Variants in JADE1 observed in about 807,000 individuals in gnomAD.
The protein encoded by JADE1 is protein Jade-1.
In JADE1, 14 loss-of-function variants were observed where a neutral mutation model predicts 81.8. The ratio of observed to expected loss-of-function variants is 0.17; its 90% CI spans 0.11 to 0.27. The LOEUF (loss-of-function observed/expected upper bound fraction) is 0.27, where lower values mean the gene tolerates loss of function less well. Ranked by LOEUF, JADE1 falls within the 10% of genes least tolerant of loss-of-function variation. JADE1 has a pLI of 1.00. For missense variants in JADE1, 690 were observed against 1,047.9 expected (o/e 0.66, Z 4.71); for synonymous variants, 353 against 391.9 (o/e 0.90, Z 1.17).
intron 2 of JADE1, 48 bp from the exon 3 acceptor site, chr4:128,842,905 G>T: frequency 6.5e-7 from 1 of 1,537,322 alleles, no homozygotes; most frequent in South Asian, 1.1e-5. Context: ...AACACTCAGT[G>T]ACCCCTGCAA....
chr4:128,867,935 A>G lies in JADE1; in HGVS notation c.1583A>G (p.Asn528Ser), dbSNP rs923647948. 6.2e-7 allele frequency: 1 copy of G among 1,613,568 alleles called. No individual in the cohort carries two copies. Among genetic ancestry groups the G allele is most frequent in the Non-Finnish European group, 8.5e-7 (1 of 1,179,500 alleles). Residue 528 changes from asparagine to serine, a missense_variant, in exon 10 of 11, where the codon AAT becomes AGT. Around this residue, in one of 8 missense-constraint regions of JADE1, gnomAD observed 86 missense variants for 95.4 expected, o/e 0.90. Coordinates refer to ENST00000226319, the MANE Select transcript of JADE1 (RefSeq NM_199320.4). ...SVCKVQEQIFNLYTKLLEQER... is the reference protein window; with the variant it reads ...SVCKVQEQIFSLYTKLLEQER... Reference sequence around the variant, plus strand: ...TGCAAAGTCCAGGAACAGATATTCAATCTTTACACTAAGCTTTTGGAGCAA... The same window carrying G: ...TGCAAAGTCCAGGAACAGATATTCAGTCTTTACACTAAGCTTTTGGAGCAA...
At position 128,872,143 on chromosome 4, in the gene JADE1, G is replaced by A; in HGVS notation, c.2410G>A (p.Val804Ile). ...LKSDNENDGYVPDVEMSDSES... is the reference protein window; with the variant it reads ...LKSDNENDGYIPDVEMSDSES... Reference sequence around the variant, plus strand: ...ATCCGACAATGAGAATGACGGGTATGTCCCCGATGTGGAAATGAGTGACTC... The same window carrying A: ...ATCCGACAATGAGAATGACGGGTATATCCCCGATGTGGAAATGAGTGACTC... The change falls in exon 11 of 11, where the codon GTC becomes ATC. Residue 804 changes from valine to isoleucine, a missense_variant. By Grantham distance (29) the Val-to-Ile change is conservative (BLOSUM62 3). Around this residue, in one of 8 missense-constraint regions of JADE1, gnomAD observed 218 missense variants for 274.3 expected, o/e 0.79. Transcript: ENST00000226319. The A allele has an allele frequency of 2.5e-6, 4 of 1,614,182 alleles. No homozygotes were observed. The highest frequency in any genetic ancestry group is 2.5e-6 in the Non-Finnish European group (3 of 1,180,020).
At chr4:128,856,186 T>C (rs1277365176) in intron 7 of JADE1, among the ~76,000 whole-genome samples, 1 of 152,148 alleles carries the variant, frequency 6.6e-6, no homozygotes, top group African/African-American at 2.4e-5. Context: ...AGTGGGTGGG[T>C]GGAGAACCAT....
chr4:128,857,291 C>G, intron 7 of JADE1, 47 bp from the exon 8 acceptor site: 1 of 1,392,642 alleles, frequency 7.2e-7, no homozygotes, highest in Non-Finnish European at 1.0e-6. Flanking sequence ...TCATGTTCAG[C>G]CTTTGACGAC....
chr4:128,844,864 C>T (rs1729735368), intron 3 of JADE1, among the ~76,000 whole-genome samples: 1 of 152,176 alleles, frequency 6.6e-6, no homozygotes, highest in Non-Finnish European at 1.5e-5. Flanking sequence ...GACACTGCCT[C>T]AGACTTTATT....
chr4:128,856,708 G>A (rs1432531401), intron 7 of JADE1, among the ~76,000 whole-genome samples: 6 of 152,166 alleles, frequency 3.9e-5, no homozygotes, highest in Non-Finnish European at 7.4e-5. Flanking sequence ...TTTTGGGTGT[G>A]ATTTTGGTAC....
Position 128,871,300 on chromosome 4 carries a change from C to A in JADE1, c.1622-55C>A. On this transcript the variant is annotated intron_variant, in intron 10 of 10. Coordinates refer to ENST00000226319, the MANE Select transcript of JADE1 (RefSeq NM_199320.4). The surrounding 1 kb of genome is among the most constrained non-coding windows in gnomAD (Gnocchi z 4.1). ...CACACTAAGGGTGTAGAATTTTATT[C>A]TTTTGGATTTGCTTCTGCTGTAATT... 6.6e-7 allele frequency: 1 copy of A among 1,517,552 alleles called. No individual in the cohort carries two copies. The highest frequency in any genetic ancestry group is 1.2e-5 in the South Asian group (1 of 80,544). 94.0% of individuals were successfully genotyped at this position (1,517,552 alleles called of 1,614,324 possible).
At chr4:128,859,353 G>C (rs1329761151) in intron 8 of JADE1, among the ~76,000 whole-genome samples, 1 of 152,080 alleles carries the variant, frequency 6.6e-6, no homozygotes, top group African/African-American at 2.4e-5. Flanking sequence ...ATGCGTATTT[G>C]AGTATGCGTG....
chr4:128,863,661 A>C, intron 9 of JADE1: 1 of 985,418 alleles, frequency 1.0e-6, no homozygotes, highest in East Asian at 1.1e-4. Context: ...TTGTGCTCCC[A>C]TACGCCCCCT....
At chr4:128,834,530 C>CT (rs202245727) in intron 2 of JADE1, among the ~76,000 whole-genome samples, 5,545 of 99,160 alleles carry the variant, frequency 0.056, 274 homozygotes, top group African/African-American at 0.096. Flanking sequence ...CCAAATATTT[C>CT]TTTTTTTTTT....
At position 128,852,140 on chromosome 4, in the gene JADE1, A is replaced by G; in HGVS notation, c.568A>G (p.Ile190Val). ...QRCYDNMNHA[I>V]ETEEGLGIEY... ...ATGCTACGACAATATGAATCATGCCATAGAGACTGAGGAAGGCCTGGGGAT... is the reference window on the plus strand; with the variant it reads ...ATGCTACGACAATATGAATCATGCCGTAGAGACTGAGGAAGGCCTGGGGAT... The change falls in exon 6 of 11, where the codon ATA (isoleucine) becomes GTA (valine). Residue 190 changes from isoleucine to valine, a missense_variant. Coordinates refer to ENST00000226319, the MANE Select transcript of JADE1 (RefSeq NM_199320.4). 1 of 1,614,134 alleles carries G rather than the reference A, an allele frequency of 6.2e-7. No homozygotes were observed. The highest frequency in any genetic ancestry group is 8.5e-7 in the Non-Finnish European group (1 of 1,179,968).
chr4:128,840,187 T>C (rs1443659581), intron 2 of JADE1, among the ~76,000 whole-genome samples: 2 of 152,224 alleles, frequency 1.3e-5, no homozygotes, highest in Admixed American at 1.3e-4. Context: ...ATTTGGGTTG[T>C]GTTCTATGCC....
chr4:128,817,739 T>C (rs2125793493), intron 1 of JADE1, among the ~76,000 whole-genome samples: 1 of 152,322 alleles, frequency 6.6e-6, no homozygotes, highest in Admixed American at 6.5e-5. Context: ...CTTTTTAAGT[T>C]GGGGACACTT....
chr4:128,864,052 A>G (rs1731591877), intron 9 of JADE1: 1 of 985,206 alleles, frequency 1.0e-6, no homozygotes, highest in South Asian at 4.7e-5. Context: ...TGTATGAGAA[A>G]CAGGGAATAA....
intron 8 of JADE1, among the ~76,000 whole-genome samples, chr4:128,859,933 C>G (rs1485705437): frequency 1.3e-5 from 2 of 152,202 alleles, no homozygotes; most frequent in African/African-American, 4.8e-5. Flanking sequence ...TGTGAAGGCT[C>G]TGGTTTACGT....
At position 128,862,239 on chromosome 4, in the gene JADE1, C is replaced by A; in HGVS notation, c.1503+14C>A. 1 of 1,614,130 alleles carries A rather than the reference C, an allele frequency of 6.2e-7. No homozygotes were observed. Among genetic ancestry groups the A allele is most frequent in the Non-Finnish European group, 8.5e-7 (1 of 1,179,996 alleles). On this transcript the variant is annotated intron_variant, in intron 9 of 10. Transcript: ENST00000226319. ...GACCTGGAGAGGGTAATGATTGACACTGACACCTTATAGTGACTTAGAGAA... is the reference window on the plus strand; with the variant it reads ...GACCTGGAGAGGGTAATGATTGACAATGACACCTTATAGTGACTTAGAGAA...
intron 1 of JADE1, among the ~76,000 whole-genome samples, chr4:128,819,977 TGC>T (rs2125799829): frequency 6.6e-6 from 1 of 152,332 alleles, no homozygotes; most frequent in African/African-American, 2.4e-5. Context: ...TGTGTGTTTG[TGC>T]AAGTTGATAA....
chr4:128,812,001 G>A (rs1464434781), intron 1 of JADE1: 1 of 152,118 alleles, frequency 6.6e-6, no homozygotes, highest in African/African-American at 2.4e-5. Flanking sequence ...ACTCGGGGAG[G>A]GGGACGGCGC....
At chr4:128,825,516 G>C (rs1185042085) in intron 1 of JADE1, among the ~76,000 whole-genome samples, 1 of 152,204 alleles carries the variant, frequency 6.6e-6, no homozygotes, top group Non-Finnish European at 1.5e-5. Context: ...ATTGCATGCA[G>C]ATTTTTCCCA....
Sources: allele counts gnomAD v4.1 joint callset (sites outside exome capture counted in the v4.1 genomes callset), GRCh38; gene constraint gnomAD v4.1.1; regional missense constraint gnomAD v4.1.1; non-coding constraint Gnocchi (gnomAD v3.1); transcripts MANE v1.5; gene names NCBI Gene and HGNC (gene_info 2026-07-23, HGNC 2026-07-21).